Variants in ME1 observed in about 807,000 individuals in gnomAD.
ME1 encodes NADP-dependent malic enzyme.
Under a neutral mutation model 66.4 loss-of-function variants are expected in ME1, and 74 were observed. That is an observed-to-expected ratio of 1.11 (90% confidence interval 0.92 to 1.35). The LOEUF is 1.35. Among genes scored for constraint, ME1 ranks in the 40% most tolerant of loss-of-function variants. ME1 has a pLI of 0.00. For synonymous variants in ME1, 251 were observed against 235.6 expected, an observed-to-expected ratio of 1.07 and a Z score of -0.60; for missense variants, 750 against 694.1, an observed-to-expected ratio of 1.08 and a Z score of -0.90.
chr6:83,304,428 C>T (rs766588320), intron 6 of ME1, among the ~76,000 whole-genome samples: 30 of 152,198 alleles, frequency 2.0e-4, no homozygotes, highest in Non-Finnish European at 3.4e-4. Flanking sequence ...ACCATTCCAA[C>T]CTGTGCTCAG....
At chr6:83,240,180 AAAGAAACTCTTAATGT>A (rs1790485127) in intron 7 of ME1, among the ~76,000 whole-genome samples, 1 of 152,046 alleles carries the variant, frequency 6.6e-6, no homozygotes, top group South Asian at 2.1e-4. Flanking sequence ...TTCTTCACAC[AAAGAAACTCTTAATGT>A]AAGAGTTTCA....
At chr6:83,321,260 G>GT (rs1023663075) in intron 5 of ME1, among the ~76,000 whole-genome samples, 9 of 152,016 alleles carry the variant, frequency 5.9e-5, no homozygotes, top group Non-Finnish European at 1.3e-4. Flanking sequence ...AGCTGCAGGA[G>GT]TTTTTTTTCC....
intron 3 of ME1, among the ~76,000 whole-genome samples, chr6:83,367,604 C>T (rs1468188483): frequency 6.6e-6 from 1 of 152,200 alleles, no homozygotes. Flanking sequence ...AAGATGGCTT[C>T]TTTCCTTAAA....
chr6:83,234,259 A>G (rs921229111), intron 9 of ME1, among the ~76,000 whole-genome samples: 2 of 152,198 alleles, frequency 1.3e-5, no homozygotes, highest in Non-Finnish European at 2.9e-5. Context: ...TGAATATTTT[A>G]TATCCCTAAG....
At chr6:83,247,509 T>C (rs1398026186) in intron 7 of ME1, among the ~76,000 whole-genome samples, 1 of 151,896 alleles carries the variant, frequency 6.6e-6, no homozygotes, top group Non-Finnish European at 1.5e-5. Flanking sequence ...ATAAATCATA[T>C]CTTTAAATAA....
intron 2 of ME1, among the ~76,000 whole-genome samples, chr6:83,402,320 G>A (rs1177847509): frequency 6.6e-6 from 1 of 152,132 alleles, no homozygotes; most frequent in African/African-American, 2.4e-5. Flanking sequence ...TCAAGGGGTG[G>A]AAATGGAAAT....
intron 6 of ME1, among the ~76,000 whole-genome samples, chr6:83,291,349 T>C (rs1767499520): frequency 6.6e-6 from 1 of 152,222 alleles, no homozygotes; most frequent in Admixed American, 6.5e-5. Context: ...TGCTTGTCTG[T>C]AAAGCATTTT....
intron 6 of ME1, among the ~76,000 whole-genome samples, chr6:83,293,990 G>C (rs1767551092): frequency 1.3e-5 from 2 of 152,128 alleles, no homozygotes; most frequent in Admixed American, 1.3e-4. Context: ...GTCTAATCCA[G>C]AGTTTAAATA....
chr6:83,310,766 A>C (rs373293214), intron 6 of ME1, among the ~76,000 whole-genome samples: 1 of 152,210 alleles, frequency 6.6e-6, no homozygotes. Flanking sequence ...CAAAAAGCTC[A>C]GAGAAAGTAA....
chr6:83,416,714 T>A (rs1050645839), intron 1 of ME1, among the ~76,000 whole-genome samples: 4 of 151,618 alleles, frequency 2.6e-5, no homozygotes, highest in Non-Finnish European at 5.9e-5. Context: ...CATAGTGAGA[T>A]CCCCATCTCT....
chr6:83,390,029 A>T (rs1769589936), intron 3 of ME1, among the ~76,000 whole-genome samples: 1 of 152,194 alleles, frequency 6.6e-6, no homozygotes, highest in African/African-American at 2.4e-5. Flanking sequence ...AATTCCACAC[A>T]AAACCAATAA....
intron 6 of ME1, among the ~76,000 whole-genome samples, chr6:83,270,212 T>C (rs1368247007): frequency 6.6e-6 from 1 of 152,164 alleles, no homozygotes; most frequent in Non-Finnish European, 1.5e-5. Context: ...TTCTAAGACA[T>C]TATACATTTA....
At chr6:83,216,716 T>C (rs1391516044) in intron 12 of ME1, 120 bp from the exon 13 acceptor site, 2 of 592,804 alleles carry the variant, frequency 3.4e-6, no homozygotes, top group African/African-American at 3.8e-5. Flanking sequence ...GTGACATTAA[T>C]ATGATTACCT....
intron 1 of ME1, among the ~76,000 whole-genome samples, chr6:83,412,393 G>C (rs1770068512): frequency 6.6e-6 from 1 of 152,240 alleles, no homozygotes; most frequent in Non-Finnish European, 1.5e-5. Context: ...TGTTTAACTA[G>C]TGTAATCTCT....
chr6:83,250,603 A>G (rs1340702382), intron 7 of ME1, among the ~76,000 whole-genome samples: 1 of 152,172 alleles, frequency 6.6e-6, no homozygotes. Flanking sequence ...ACTATCAACA[A>G]CTAATTACCT....
At chr6:83,389,088 T>C (rs140499402) in intron 3 of ME1, among the ~76,000 whole-genome samples, 11,828 of 152,158 alleles carry the variant, frequency 0.078, 633 homozygotes, top group Non-Finnish European at 0.13. Context: ...CACTACACTC[T>C]AGCCTGGGTG....
intron 6 of ME1, among the ~76,000 whole-genome samples, chr6:83,282,702 G>A (rs1243333890): frequency 6.6e-6 from 1 of 152,118 alleles, no homozygotes; most frequent in Non-Finnish European, 1.5e-5. Flanking sequence ...ACAGTGTGAC[G>A]ATTCCTCAAG....
chr6:83,401,429 AT>A (rs1475564059), intron 2 of ME1, among the ~76,000 whole-genome samples: 1 of 152,184 alleles, frequency 6.6e-6, no homozygotes, highest in Non-Finnish European at 1.5e-5. Flanking sequence ...CTGACACTGA[AT>A]TGATGTTCAA....
intron 3 of ME1, among the ~76,000 whole-genome samples, chr6:83,397,678 C>T (rs1769763649): frequency 6.6e-6 from 1 of 152,068 alleles, no homozygotes; most frequent in African/African-American, 2.4e-5. Context: ...GCACTCACTC[C>T]CATGTTCACT....
Sources: allele counts gnomAD v4.1 joint callset (sites outside exome capture counted in the v4.1 genomes callset), GRCh38; gene constraint gnomAD v4.1.1; transcripts MANE v1.5; gene names NCBI Gene and HGNC (gene_info 2026-07-23, HGNC 2026-07-21).